The following EPHA8 variants were observed in gnomAD, a reference collection of about 807,000 sequenced individuals.
EPHA8 encodes the protein EPH receptor A8.
In EPHA8, 58 loss-of-function variants were observed where a neutral mutation model predicts 103.6. The observed-to-expected ratio is 0.56, with a 90% CI of 0.45 to 0.70. EPHA8 has a LOEUF of 0.70. Ranked by LOEUF, EPHA8 falls within the 30% of genes least tolerant of loss-of-function variation. The pLI is 0.00. For synonymous variants in EPHA8, 559 were observed against 572.5 expected (o/e 0.98, Z 0.34); for missense variants, 1,304 against 1,395.2 (o/e 0.93, Z 1.04).
In EPHA8 at chr1:22,597,481, G is replaced by A; in HGVS notation, c.1930+5G>A. The A allele has an allele frequency of 6.2e-7, 1 of 1,611,310 alleles. No homozygotes were observed. The highest frequency in any genetic ancestry group is 1.1e-5 in the South Asian group (1 of 90,888). ...TCGAGAAAATCATCGGCTCTGGTGA[G>A]TCTCAGGGGTTGTGAGGGCGGGGCC... is the stretch of plus-strand genomic sequence containing the variant. On this transcript the variant is annotated splice_donor_5th_base_variant and intron_variant, in intron 10 of 16. Coordinates refer to ENST00000166244, the MANE Select transcript of EPHA8 (RefSeq NM_020526.5). The surrounding 1 kb of genome is among the most constrained non-coding windows in gnomAD (Gnocchi z 4.6).
Position 22,576,081 on chromosome 1 carries a change from G to T in EPHA8, c.160-136G>T. On this transcript the variant is annotated intron_variant, in intron 2 of 16. Transcript: ENST00000166244. The surrounding 1 kb of genome is among the most constrained non-coding windows in gnomAD (Gnocchi z 4.8). ...CGAGATCATGTCTGCAGGGGGCCTG[G>T]CATCTAGTAGCCACCAGGAGGCCAG... The T allele has an allele frequency of 1.1e-6, 1 of 948,348 alleles. No individual in the cohort carries two copies. The highest frequency in any genetic ancestry group is 1.6e-6 in the Non-Finnish European group (1 of 625,242). 58.7% of individuals were successfully genotyped at this position (948,348 alleles called of 1,614,324 possible).
intron 3 of EPHA8, among the ~76,000 whole-genome samples, chr1:22,583,351 A>C (rs1641097566): frequency 6.6e-6 from 1 of 152,254 alleles, no homozygotes; most frequent in Non-Finnish European, 1.5e-5. Context: ...TGGCCTTGAC[A>C]CATTATAGCC....
chr1:22,578,791 A>G (rs942140514), intron 3 of EPHA8, among the ~76,000 whole-genome samples: 1 of 147,078 alleles, frequency 6.8e-6, no homozygotes, highest in South Asian at 2.2e-4. Flanking sequence ...GGGCATATGT[A>G]TGTGTGCGTG....
Position 22,593,348 on chromosome 1 carries a change from C to A in EPHA8, c.1338C>A (p.Ile446=). 6.3e-7 allele frequency: 1 copy of A among 1,577,224 alleles called. No homozygotes were observed. Among genetic ancestry groups the A allele is most frequent in the South Asian group, 1.2e-5 (1 of 86,466 alleles). The change falls in exon 6 of 17, where the codon ATC becomes ATA. Residue 446 remains isoleucine (I), a synonymous_variant. Coordinates refer to ENST00000166244, the MANE Select transcript of EPHA8 (RefSeq NM_020526.5). The part of the protein sequence containing the change: ...NQAAPSQVVV[I]RQERAGQTSV... ...CAGCCCCGTCCCAGGTGGTGGTGAT[C>A]CGTCAAGAGCGGGCGGGGCAGACCA...
rs547903361 is a variant in EPHA8 at position 22,600,601 on chromosome 1, G to A, written c.2389-60G>A. The A allele has an allele frequency of 2.2e-5, 35 of 1,593,312 alleles. No homozygotes were observed. In the South Asian group the frequency reaches 2.3e-4, roughly 10 times the overall value. On this transcript the variant is annotated intron_variant, in intron 13 of 16. Coordinates refer to ENST00000166244, the MANE Select transcript of EPHA8 (RefSeq NM_020526.5). ...CAGTGTTTAGCTCTCTGACTCAGAC[G>A]GCTCGGGGGACACCCTGCCAGGCCT...
rs1416347870 is a variant in EPHA8, at chr1:22,563,516, G to GGGGTGTGCGCCCGGCC, written c.-110_-95dup. The stretch of plus-strand genomic sequence containing the variant: ...GTGCGCTGGGAGCCGCGTGTGCGCC[G>GGGGTGTGCGCCCGGCC]GGGTGTGCGCCCGGCCGGGTGTGCG... On this transcript the variant is annotated 5_prime_UTR_variant, in exon 1 of 17. Coordinates refer to ENST00000166244, the MANE Select transcript of EPHA8 (RefSeq NM_020526.5). The surrounding 1 kb of genome is among the most constrained non-coding windows in gnomAD (Gnocchi z 4.4). 1 of 146,138 alleles carries GGGGTGTGCGCCCGGCC rather than the reference G, an allele frequency of 6.8e-6. No homozygotes were observed. The highest frequency in any genetic ancestry group is 2.5e-5 in the African/African-American group (1 of 40,544). The allele number at this position is 146,138 out of a possible 1,614,324, so 9.1% of individuals were successfully genotyped here. A position where few individuals can be genotyped will look rare whatever the true frequency, so the allele number is the denominator to read the frequency against.
chr1:22,590,845 A>G (rs546850840), intron 5 of EPHA8, among the ~76,000 whole-genome samples: 1 of 152,180 alleles, frequency 6.6e-6, no homozygotes. Flanking sequence ...CCATTCGGTT[A>G]TGTGAAAAAC....
chr1:22,593,072 C>T (rs545637424), intron 5 of EPHA8, among the ~76,000 whole-genome samples: 1 of 152,292 alleles, frequency 6.6e-6, no homozygotes, highest in African/African-American at 2.4e-5. Context: ...GAGGCTCAAG[C>T]GTCTTCTTGT....
Position 22,593,450 on chromosome 1 carries a change from G to A in EPHA8, c.1440G>A (p.Lys480=). 1 of 1,610,944 alleles carries A rather than the reference G, an allele frequency of 6.2e-7. No homozygotes were observed. The highest frequency in any genetic ancestry group is 8.5e-7 in the Non-Finnish European group (1 of 1,178,648). ...AGTATGAGATCAAGTACTACGAGAA[G>A]GTACCACGGGCAGGACGGAGTGGGA... ...ILEYEIKYYE[K]DKEMQSYSTL... The change falls in exon 6 of 17, where the codon AAG becomes AAA. Residue 480 remains lysine (K), a splice_region_variant and synonymous_variant. Transcript: ENST00000166244.
In EPHA8 at chr1:22,601,303, C is replaced by T; in HGVS notation, c.2733C>T (p.Cys911=). Residue 911 remains cysteine (C), a synonymous_variant, in exon 16 of 17, where the codon TGC becomes TGT. Coordinates refer to ENST00000166244, the MANE Select transcript of EPHA8 (RefSeq NM_020526.5). ...SLRATATVSR[C]PPPAFVRSCF... Reference sequence around the variant, plus strand: ...ACCAAGAGCCCCTGTGCCTCAGGTGCCCACCCCCTGCCTTCGTCCGGAGCT... The same window carrying T: ...ACCAAGAGCCCCTGTGCCTCAGGTGTCCACCCCCTGCCTTCGTCCGGAGCT... 4 of 1,596,768 alleles carry T rather than the reference C, an allele frequency of 2.5e-6. 1 individual carries two copies. The highest frequency in any genetic ancestry group is 2.2e-5 in the South Asian group (2 of 89,060).
chr1:22,594,887 C>T (rs1641473957), intron 7 of EPHA8, among the ~76,000 whole-genome samples: 2 of 152,230 alleles, frequency 1.3e-5, no homozygotes, highest in South Asian at 2.1e-4. Context: ...GTACAGCTCT[C>T]AGCACACTCC....
chr1:22,565,480 C>T (rs1254845570), intron 1 of EPHA8, among the ~76,000 whole-genome samples: 6 of 152,288 alleles, frequency 3.9e-5, no homozygotes, highest in South Asian at 2.1e-4. Flanking sequence ...CCCGAGAAGA[C>T]GGCTTTCTGA....
Position 22,577,760 on chromosome 1 carries a change from G to A in EPHA8, c.823+880G>A, listed in dbSNP as rs544804502. Among the ~76,000 whole-genome samples, 491 of 151,768 alleles carry A rather than the reference G, an allele frequency of 3.2e-3. 1 individual carries two copies. Among genetic ancestry groups the A allele is most frequent in the Non-Finnish European group, 4.7e-3 (321 of 67,892 alleles). ...AGACGAGGGAGCCTAGGCCCAGGTG[G>A]TGTGCATGAGTGTGTGTGTGCATGT... is the stretch of plus-strand genomic sequence containing the variant. On this transcript the variant is annotated intron_variant, in intron 3 of 16. Transcript: ENST00000166244.
In EPHA8 at chr1:22,569,005, G is replaced by A. The variant is rs1388153324; in HGVS notation, c.95-284G>A. On this transcript the variant is annotated intron_variant, in intron 1 of 16. Coordinates refer to ENST00000166244, the MANE Select transcript of EPHA8 (RefSeq NM_020526.5). The surrounding 1 kb of genome is among the most constrained non-coding windows in gnomAD (Gnocchi z 4.5). ...TCGAGCCCACCTCAACTATCCCACT[G>A]TGCCACCAACCAAGGATGTCTGGCA... Among the ~76,000 whole-genome samples the A allele has an allele frequency of 3.9e-5, 6 of 152,236 alleles. No individual in the cohort carries two copies. The highest frequency in any genetic ancestry group is 1.4e-4 in the African/African-American group (6 of 41,462).
Position 22,567,203 on chromosome 1 carries a change from G to A in EPHA8, c.95-2086G>A, listed in dbSNP as rs572781304. On this transcript the variant is annotated intron_variant, in intron 1 of 16. Transcript: ENST00000166244. The surrounding 1 kb of genome is among the most constrained non-coding windows in gnomAD (Gnocchi z 4.2). ...TGGGCTGCATCCAGGCCAGGTCACA[G>A]AAGGGGCCCAGTCACCCCGAGACCT... is the stretch of plus-strand genomic sequence containing the variant. Among the ~76,000 whole-genome samples the A allele has an allele frequency of 6.6e-6, 1 of 152,302 alleles. No homozygotes were observed. The highest frequency in any genetic ancestry group is 2.1e-4 in the South Asian group (1 of 4,828).
At chr1:22,573,310 C>T (rs565255900) in intron 2 of EPHA8, among the ~76,000 whole-genome samples, 9 of 152,318 alleles carry the variant, frequency 5.9e-5, no homozygotes, top group Non-Finnish European at 8.8e-5. Context: ...AGGGCCTTCC[C>T]GTGCCAGGCC....
At chr1:22,578,697 C>CTG (rs146554873) in intron 3 of EPHA8, among the ~76,000 whole-genome samples, 12,510 of 145,238 alleles carry the variant, frequency 0.086, 783 homozygotes, top group African/African-American at 0.18. Flanking sequence ...GTATGTGTGC[C>CTG]TGTGTGTGTA....
chr1:22,587,620 C>T (rs1641253829), intron 4 of EPHA8, among the ~76,000 whole-genome samples: 1 of 152,198 alleles, frequency 6.6e-6, no homozygotes, highest in African/African-American at 2.4e-5. Context: ...GGAGGGACCA[C>T]AGCCTGCTCA....
chr1:22,599,097 G>A (rs756198247), intron 13 of EPHA8, 50 bp downstream of exon 13: 23 of 1,538,626 alleles, frequency 1.5e-5, no homozygotes, highest in Middle Eastern at 1.8e-4. Context: ...GGGAGATGGC[G>A]CCGGTGGCAC....
Sources: allele counts gnomAD v4.1 joint callset (sites outside exome capture counted in the v4.1 genomes callset), GRCh38; gene constraint gnomAD v4.1.1; non-coding constraint Gnocchi (gnomAD v3.1); transcripts MANE v1.5; gene names NCBI Gene and HGNC (gene_info 2026-07-23, HGNC 2026-07-21).